Variants in PAICS observed in about 807,000 individuals in gnomAD.
PAICS encodes bifunctional phosphoribosylaminoimidazole carboxylase/phosphoribosylaminoimidazole succinocarboxamide synthetase.
In PAICS, 33 loss-of-function variants were observed where a neutral mutation model predicts 53.7. That is an observed-to-expected ratio of 0.61 (90% CI 0.47 to 0.82). The LOEUF (loss-of-function observed/expected upper bound fraction) is 0.82. Among genes scored for constraint, PAICS ranks in the 40% least tolerant of loss-of-function variants. The pLI is 0.00. For synonymous variants in PAICS, 141 were observed against 167.2 expected (o/e 0.84, Z 1.21); for missense variants, 394 against 494.1 (o/e 0.80, Z 1.92).
chr4:56,419,582 G>A, the PAICS span: 3 of 670,722 alleles, frequency 4.5e-6, no homozygotes, highest in Non-Finnish European at 1.8e-6. Context: ...TGTATATAAT[G>A]CATATATCTT....
At chr4:56,457,367 T>C (rs962123441) in intron 8 of PAICS, among the ~76,000 whole-genome samples, 1 of 152,184 alleles carries the variant, frequency 6.6e-6, no homozygotes, top group Non-Finnish European at 1.5e-5. Context: ...GAGCCGTGAT[T>C]GCACCACTGC....
chr4:56,458,521 A>G (rs148937263), intron 8 of PAICS, among the ~76,000 whole-genome samples: 1 of 152,310 alleles, frequency 6.6e-6, no homozygotes, highest in Non-Finnish European at 1.5e-5. Flanking sequence ...CTTCTCACAG[A>G]AGAGGAGAAT....
intron 8 of PAICS, 117 bp downstream of exon 8, chr4:56,453,878 C>A: frequency 1.6e-6 from 1 of 620,396 alleles, no homozygotes; most frequent in Non-Finnish European, 2.7e-6. Flanking sequence ...CAGCAATTAA[C>A]ATCTTGTTGT....
intron 3 of PAICS, among the ~76,000 whole-genome samples, chr4:56,447,714 T>C (rs1429103728): frequency 6.6e-6 from 1 of 152,200 alleles, no homozygotes; most frequent in East Asian, 1.9e-4. Flanking sequence ...TTGAAATACT[T>C]TGTGACCTAG....
At chr4:56,416,797 G>T in the PAICS span, among the ~76,000 whole-genome samples, 1 of 152,130 alleles carries the variant, frequency 6.6e-6, no homozygotes, top group Admixed American at 6.6e-5. Flanking sequence ...CCACAACCAG[G>T]TCAAGGATAA....
At position 56,460,480 on chromosome 4, in the gene PAICS, C is replaced by T. The variant is rs1264997340; in HGVS notation, c.*942C>T. ...TCAACATTATCCTGATCTAGACAGC[C>T]CCCATTCTCAATCCACCCTTTTCCA... On this transcript the variant is annotated 3_prime_UTR_variant, in exon 9 of 9. Transcript: ENST00000512576. The T allele has an allele frequency of 6.6e-6, 1 of 152,164 alleles. No individual in the cohort carries two copies. Among genetic ancestry groups the T allele is most frequent in the Non-Finnish European group, 1.5e-5 (1 of 68,050 alleles). The allele number at this position is 152,164 out of a possible 1,614,324, so 9.4% of individuals were successfully genotyped here.
chr4:56,445,621 A>C (rs1718577566), intron 2 of PAICS, among the ~76,000 whole-genome samples: 1 of 152,146 alleles, frequency 6.6e-6, no homozygotes, highest in Non-Finnish European at 1.5e-5. Context: ...TCAAAATTTT[A>C]TGCACAGTTA....
chr4:56,458,794 T>A (rs1719354736), intron 8 of PAICS, among the ~76,000 whole-genome samples: 1 of 152,240 alleles, frequency 6.6e-6, no homozygotes, highest in Non-Finnish European at 1.5e-5. Context: ...ACACTCTGCC[T>A]GAGCAGACAT....
At chr4:56,438,168 C>A (rs1446352608) in intron 1 of PAICS, among the ~76,000 whole-genome samples, 2 of 151,958 alleles carry the variant, frequency 1.3e-5, no homozygotes, top group African/African-American at 4.8e-5. Flanking sequence ...ACCTCTTCAG[C>A]CCTAACTTTG....
chr4:56,433,800 T>C (rs111915669), upstream of PAICS, among the ~76,000 whole-genome samples: 12,646 of 152,010 alleles, frequency 0.083, 714 homozygotes, highest in East Asian at 0.27. Context: ...GTTCAAGCGA[T>C]TCTCCTGCCT....
Position 56,459,631 on chromosome 4 carries a change from T to C in PAICS, c.*93T>C. 6.5e-6 allele frequency: 6 copies of C among 924,510 alleles called. No individual in the cohort carries two copies. Among genetic ancestry groups the C allele is most frequent in the South Asian group, 3.8e-5 (2 of 53,126 alleles). 57.3% of individuals were successfully genotyped at this position (924,510 alleles called of 1,614,324 possible). On this transcript the variant is annotated 3_prime_UTR_variant, in exon 9 of 9. Transcript: ENST00000512576. ...GCAAGATGAAAAGGTAATTTTAAAT[T>C]AGAGAACACAAATAAAATGTATTAG...
chr4:56,437,256 G>GGGGT (rs372147545), intron 1 of PAICS, among the ~76,000 whole-genome samples: 13 of 124,308 alleles, frequency 1.0e-4, no homozygotes, highest in Admixed American at 2.4e-4. Context: ...ATGCCATGAT[G>GGGGT]GTGTGTGTGT....
At chr4:56,445,578 C>CA (rs1256890050) in intron 2 of PAICS, among the ~76,000 whole-genome samples, 175 of 149,434 alleles carry the variant, frequency 1.2e-3, no homozygotes, top group African/African-American at 3.6e-3. Flanking sequence ...CACTTTGTCT[C>CA]AAAAAAAAAC....
upstream of PAICS, among the ~76,000 whole-genome samples, chr4:56,432,567 C>T (rs371145243): frequency 7.4e-5 from 11 of 148,514 alleles, no homozygotes; most frequent in East Asian, 2.0e-4. Flanking sequence ...GGGCAGATCA[C>T]GAGGTCAGGA....
chr4:56,436,276 T>C lies in PAICS; in HGVS notation c.-37T>C, dbSNP rs190112558. On this transcript the variant is annotated 5_prime_UTR_variant, in exon 1 of 9. Transcript: ENST00000512576. The stretch of plus-strand genomic sequence containing the variant: ...CTCTTTTCTAGAGTTCTGCCTCGCT[T>C]CCCGGCGCGGTCGCAGCCCTCAGCC... The C allele has an allele frequency of 1.3e-6, 2 of 1,591,730 alleles. No individual in the cohort carries two copies. Among genetic ancestry groups the C allele is most frequent in the Admixed American group, 3.5e-5 (2 of 57,650 alleles).
the PAICS span, chr4:56,419,953 G>C: frequency 1.0e-6 from 1 of 983,832 alleles, no homozygotes; most frequent in African/African-American, 1.7e-5. Context: ...GCTATTCTGG[G>C]ACCCAATAAA....
chr4:56,450,803 T>A (rs1218263150), intron 6 of PAICS, 101 bp downstream of exon 6: 1 of 663,790 alleles, frequency 1.5e-6, no homozygotes, highest in African/African-American at 1.8e-5. Context: ...GCTTTTCTTT[T>A]CAGTGACTTT....
At chr4:56,441,896 C>T (rs1179036708) in intron 2 of PAICS, 36 bp downstream of exon 2, 11 of 1,377,528 alleles carry the variant, frequency 8.0e-6, no homozygotes, top group South Asian at 1.4e-5. Context: ...CTCTCACCTT[C>T]TCTGGTAAGC....
At chr4:56,454,443 G>A (rs1277058203) in intron 8 of PAICS, among the ~76,000 whole-genome samples, 2 of 152,094 alleles carry the variant, frequency 1.3e-5, no homozygotes, top group Non-Finnish European at 2.9e-5. Flanking sequence ...AACTCTTGGG[G>A]ACACAGTTTC....
Sources: allele counts gnomAD v4.1 joint callset (sites outside exome capture counted in the v4.1 genomes callset), GRCh38; gene constraint gnomAD v4.1.1; transcripts MANE v1.5; gene names NCBI Gene and HGNC (gene_info 2026-07-23, HGNC 2026-07-21).